Variants in SDK1 observed in about 807,000 individuals in gnomAD.
SDK1 encodes the protein sidekick cell adhesion molecule 1, also known as protein sidekick-1.
A neutral mutation model predicts 245.5 loss-of-function variants in SDK1; 157 were observed. The ratio of observed to expected loss-of-function variants is 0.64; its 90% CI spans 0.56 to 0.73. The LOEUF is 0.73. SDK1 is among the 30% of genes least tolerant of loss of function. The probability of loss-of-function intolerance (pLI) is 0.00; values close to 1 mark genes in which losing one functional copy is unlikely to be tolerated. For missense variants in SDK1, 3,583 were observed against 3,002.3 expected, an observed-to-expected ratio of 1.19 and a Z score of -4.52; for synonymous variants, 1,647 against 1,278.5, an observed-to-expected ratio of 1.29 and a Z score of -6.15.
At chr7:3,583,338 C>T (rs1357417892) in intron 1 of SDK1, among the ~76,000 whole-genome samples, 2 of 152,190 alleles carry the variant, frequency 1.3e-5, no homozygotes, top group Non-Finnish European at 2.9e-5. Context: ...AGAAACTTTC[C>T]TCTTCCGGTG....
chr7:4,070,312 C>A (rs1021797921), intron 20 of SDK1, among the ~76,000 whole-genome samples: 1 of 152,156 alleles, frequency 6.6e-6, no homozygotes, highest in Non-Finnish European at 1.5e-5. Flanking sequence ...GGTTTCCAGG[C>A]AGTACTTGTT....
intron 1 of SDK1, chr7:3,302,591 C>T (rs1445964542): frequency 2.6e-5 from 4 of 152,106 alleles, no homozygotes; most frequent in Non-Finnish European, 5.9e-5. Flanking sequence ...AGCTTTCCTT[C>T]CCAAATCTGG....
intron 1 of SDK1, among the ~76,000 whole-genome samples, chr7:3,462,860 C>A (rs1319888132): frequency 6.6e-6 from 1 of 152,166 alleles, no homozygotes; most frequent in African/African-American, 2.4e-5. Context: ...TGACATCGTG[C>A]TTTTGGGAAA....
chr7:4,080,807 T>A (rs370806923), intron 22 of SDK1, among the ~76,000 whole-genome samples: 22 of 151,836 alleles, frequency 1.4e-4, no homozygotes, highest in African/African-American at 4.8e-4. Flanking sequence ...TGTATACATA[T>A]GTAACAAACC....
rs753912886 is a variant in SDK1, at chr7:3,642,037, C to A, written c.645C>A (p.Ile215=). ...CAGCGATTCTAAACCTGCTGCCCAT[C>A]ACCAGCTACCCCAGACCTCAAGTGA... The part of the protein sequence containing the change: ...GRAAILNLLP[I]TSYPRPQVTW... Residue 215 remains isoleucine (I), a synonymous_variant, in exon 4 of 45, where the codon ATC becomes ATA. Transcript: ENST00000404826. 79 of 1,613,948 alleles carry A rather than the reference C, an allele frequency of 4.9e-5. No individual in the cohort carries two copies. The highest frequency in any genetic ancestry group is 6.6e-5 in the South Asian group (6 of 91,078).
At position 3,552,603 on chromosome 7, in the gene SDK1, T is replaced by C. The variant is rs190129599; in HGVS notation, c.299-66477T>C. Among the ~76,000 whole-genome samples, 7 of 152,342 alleles carry C rather than the reference T, an allele frequency of 4.6e-5. No individual in the cohort carries two copies. The East Asian group carries it at 1.3e-3, about 29-fold the overall frequency. The stretch of plus-strand genomic sequence containing the variant: ...CACGTTTTAGAGAGCCTCACTTCTG[T>C]TGATTTGATTCTGAGCAATGTTTCT... On this transcript the variant is annotated intron_variant, in intron 1 of 44. Transcript: ENST00000404826.
chr7:3,521,072 G>A (rs1489007416), intron 1 of SDK1, among the ~76,000 whole-genome samples: 2 of 152,140 alleles, frequency 1.3e-5, no homozygotes, highest in Non-Finnish European at 2.9e-5. Context: ...AGAATTGCCT[G>A]AGTTCAGTTT....
intron 22 of SDK1, among the ~76,000 whole-genome samples, chr7:4,094,753 C>T (rs894760578): frequency 6.6e-6 from 1 of 152,168 alleles, no homozygotes; most frequent in Non-Finnish European, 1.5e-5. Context: ...TCTTTCAGGG[C>T]ACCAGGCCAG....
At chr7:4,150,039 G>C (rs903014584) in intron 30 of SDK1, among the ~76,000 whole-genome samples, 1 of 152,162 alleles carries the variant, frequency 6.6e-6, no homozygotes, top group Non-Finnish European at 1.5e-5. Flanking sequence ...GGGTTGCATT[G>C]ACAATAGCAG....
At chr7:4,057,469 G>A (rs910527380) in intron 19 of SDK1, among the ~76,000 whole-genome samples, 3 of 152,136 alleles carry the variant, frequency 2.0e-5, no homozygotes, top group African/African-American at 4.8e-5. Flanking sequence ...AGCAATACCA[G>A]TGCAGACTGC....
chr7:4,258,614 C>G (rs1010023254), intron 44 of SDK1, among the ~76,000 whole-genome samples: 6 of 152,226 alleles, frequency 3.9e-5, no homozygotes, highest in Non-Finnish European at 8.8e-5. Flanking sequence ...TGGCCCCGGT[C>G]TGGCCCCGGC....
chr7:3,485,050 C>T (rs1376113079), intron 1 of SDK1, among the ~76,000 whole-genome samples: 3 of 152,246 alleles, frequency 2.0e-5, no homozygotes, highest in African/African-American at 4.8e-5. Context: ...TATGGCAGTT[C>T]TATTTTCCAT....
intron 5 of SDK1, among the ~76,000 whole-genome samples, chr7:3,881,693 C>T (rs1230609678): frequency 1.3e-5 from 2 of 152,208 alleles, no homozygotes; most frequent in Non-Finnish European, 2.9e-5. Flanking sequence ...ACACTGTCTT[C>T]TACAATGGTT....
chr7:3,374,672 C>A (rs1267291911), intron 1 of SDK1, among the ~76,000 whole-genome samples: 2 of 152,074 alleles, frequency 1.3e-5, no homozygotes, highest in Non-Finnish European at 2.9e-5. Flanking sequence ...TCTGCCTAGA[C>A]CAATTTCTAA....
intron 30 of SDK1, among the ~76,000 whole-genome samples, chr7:4,153,368 C>G (rs1303360338): frequency 6.6e-6 from 1 of 151,904 alleles, no homozygotes; most frequent in Non-Finnish European, 1.5e-5. Flanking sequence ...GGTGGATCAC[C>G]TGAGGTCAGG....
chr7:3,822,349 G>T (rs904390359), intron 5 of SDK1, among the ~76,000 whole-genome samples: 1 of 152,258 alleles, frequency 6.6e-6, no homozygotes, highest in South Asian at 2.1e-4. Context: ...TAGTCATGGC[G>T]GATGGTAAAT....
intron 1 of SDK1, among the ~76,000 whole-genome samples, chr7:3,580,887 G>A (rs1410450232): frequency 1.4e-5 from 2 of 140,088 alleles, no homozygotes; most frequent in Non-Finnish European, 3.0e-5. Flanking sequence ...AGAATCGCTT[G>A]AACTGAGGAG....
intron 1 of SDK1, among the ~76,000 whole-genome samples, chr7:3,596,962 C>T (rs182270854): frequency 4.2e-4 from 64 of 152,232 alleles, no homozygotes; most frequent in Admixed American, 3.7e-3. Context: ...CTGTGATTGG[C>T]CAAAACTGGT....
chr7:3,622,866 A>C (rs1781986593), intron 2 of SDK1, among the ~76,000 whole-genome samples: 2 of 152,198 alleles, frequency 1.3e-5, no homozygotes. Context: ...TCAGACACTT[A>C]GATGGGTTAT....
Sources: allele counts gnomAD v4.1 joint callset (sites outside exome capture counted in the v4.1 genomes callset), GRCh38; gene constraint gnomAD v4.1.1; transcripts MANE v1.5; gene names NCBI Gene and HGNC (gene_info 2026-07-23, HGNC 2026-07-21).